Variants in RNF217 observed in about 807,000 individuals in gnomAD.
RNF217 encodes the protein E3 ubiquitin-protein ligase RNF217.
In RNF217, 31 loss-of-function variants were observed where a neutral mutation model predicts 57.8. That is an observed-to-expected ratio of 0.54 (90% confidence interval 0.40 to 0.72). The LOEUF is 0.72. RNF217 is among the 30% of genes least tolerant of loss of function. RNF217 has a pLI of 0.00. For synonymous variants in RNF217, 313 were observed against 294.0 expected, an observed-to-expected ratio of 1.06 and a Z score of -0.66; for missense variants, 696 against 708.3, an observed-to-expected ratio of 0.98 and a Z score of 0.20.
intron 1 of RNF217, among the ~76,000 whole-genome samples, chr6:125,012,816 A>C (rs1304856936): frequency 6.6e-6 from 1 of 152,038 alleles, no homozygotes; most frequent in Non-Finnish European, 1.5e-5. Context: ...TTCATCTTTG[A>C]ATTTCTTATT....
rs763340048 is a variant in RNF217 at position 125,089,485 on chromosome 6, T to G, written c.*6548T>G. On this transcript the variant is annotated 3_prime_UTR_variant, in exon 6 of 6. Transcript: ENST00000521654. ...TTATGGATTCATGCTCTGTGAACAT[T>G]GTTAGATTTTTAATAATCTAAAGTA... is the stretch of plus-strand genomic sequence containing the variant. The G allele has an allele frequency of 3.3e-5, 5 of 152,204 alleles. No individual in the cohort carries two copies. The highest frequency in any genetic ancestry group is 7.3e-5 in the Non-Finnish European group (5 of 68,028). 9.4% of individuals were successfully genotyped at this position (152,204 alleles called of 1,614,324 possible). A position where few individuals can be genotyped will look rare whatever the true frequency, so the allele number is the denominator to read the frequency against.
chr6:125,000,734 TC>T (rs1443128124), intron 1 of RNF217, among the ~76,000 whole-genome samples: 1 of 152,076 alleles, frequency 6.6e-6, no homozygotes, highest in Non-Finnish European at 1.5e-5. Flanking sequence ...AAGGAAGTTT[TC>T]CATATTCCTA....
At chr6:125,081,625 T>A in intron 5 of RNF217, 118 bp downstream of exon 5, 1 of 764,810 alleles carries the variant, frequency 1.3e-6, no homozygotes, top group Non-Finnish European at 2.1e-6. Flanking sequence ...GTTGTATGCC[T>A]GCTTTAGATA....
At chr6:125,041,848 C>T (rs1474523011) in intron 1 of RNF217, among the ~76,000 whole-genome samples, 1 of 152,002 alleles carries the variant, frequency 6.6e-6, no homozygotes, top group Non-Finnish European at 1.5e-5. Flanking sequence ...ATAAAAACCA[C>T]ATTTCACTGA....
At chr6:125,070,102 A>G (rs1582774453) in intron 3 of RNF217, among the ~76,000 whole-genome samples, 1 of 152,070 alleles carries the variant, frequency 6.6e-6, no homozygotes, top group East Asian at 1.9e-4. Context: ...AGACCATACA[A>G]CATTTGGTTT....
intron 1 of RNF217, chr6:125,009,054 G>T (rs977979402): frequency 1.1e-5 from 5 of 443,796 alleles, no homozygotes; most frequent in African/African-American, 1.0e-4. Flanking sequence ...TATATCACTG[G>T]TTCATAGAGA....
intron 1 of RNF217, among the ~76,000 whole-genome samples, chr6:124,986,880 T>G (rs979202255): frequency 2.6e-5 from 4 of 152,192 alleles, no homozygotes; most frequent in South Asian, 2.1e-4. Flanking sequence ...ATAGAATTAT[T>G]TCTTTTGAGA....
At chr6:125,005,647 C>A (rs1785152248) in intron 1 of RNF217, among the ~76,000 whole-genome samples, 1 of 152,162 alleles carries the variant, frequency 6.6e-6, no homozygotes. Context: ...CTTGAAGGAG[C>A]ACTTAATTTT....
chr6:125,036,111 G>A (rs2114493538), intron 1 of RNF217, among the ~76,000 whole-genome samples: 1 of 151,956 alleles, frequency 6.6e-6, no homozygotes, highest in Non-Finnish European at 1.5e-5. Flanking sequence ...GGTGTGTGAT[G>A]TTCCCCTCCC....
chr6:124,962,928 C>A lies in RNF217; in HGVS notation c.384C>A (p.Pro128=). The A allele has an allele frequency of 6.3e-7, 1 of 1,598,008 alleles. No individual in the cohort carries two copies. The highest frequency in any genetic ancestry group is 8.5e-7 in the Non-Finnish European group (1 of 1,179,630). ...KEGGDEQQEA[P]PGEELEPRTR... ...GAGGGGATGAACAGCAGGAGGCGCC[C>A]CCCGGCGAAGAGCTGGAGCCCAGGA... Residue 128 remains proline (P), a synonymous_variant, in exon 1 of 6, where the codon CCC becomes CCA. Coordinates refer to ENST00000521654, the MANE Select transcript of RNF217 (RefSeq NM_001286398.3). The surrounding 1 kb of genome is among the most constrained non-coding windows in gnomAD (Gnocchi z 4.6).
intron 1 of RNF217, among the ~76,000 whole-genome samples, chr6:125,005,708 G>A (rs187411570): frequency 1.4e-4 from 21 of 152,178 alleles, no homozygotes; most frequent in Non-Finnish European, 1.8e-4. Context: ...TATTACATTC[G>A]AAATATGATT....
At chr6:125,043,852 T>C (rs927151450) in intron 1 of RNF217, among the ~76,000 whole-genome samples, 21 of 152,106 alleles carry the variant, frequency 1.4e-4, no homozygotes, top group Non-Finnish European at 2.9e-4. Flanking sequence ...CATAAAATTA[T>C]GCAACAATTT....
chr6:125,037,706 A>C (rs1025660250), intron 1 of RNF217, among the ~76,000 whole-genome samples: 3 of 152,174 alleles, frequency 2.0e-5, no homozygotes, highest in African/African-American at 7.2e-5. Context: ...TAATCCACAC[A>C]AACTACCTGG....
intron 2 of RNF217, among the ~76,000 whole-genome samples, chr6:125,049,024 ACT>A (rs1454878021): frequency 6.6e-6 from 1 of 151,630 alleles, no homozygotes; most frequent in Non-Finnish European, 1.5e-5. Flanking sequence ...TCTCCCTAAA[ACT>A]CTTGTCATGA....
intron 1 of RNF217, among the ~76,000 whole-genome samples, chr6:125,028,410 T>C (rs1786204258): frequency 6.6e-6 from 1 of 152,062 alleles, no homozygotes; most frequent in Non-Finnish European, 1.5e-5. Flanking sequence ...CATTTTTTAT[T>C]AGGCTATTAT....
At chr6:125,057,265 C>A (rs1034214371) in intron 2 of RNF217, among the ~76,000 whole-genome samples, 2 of 152,150 alleles carry the variant, frequency 1.3e-5, no homozygotes, top group Non-Finnish European at 2.9e-5. Context: ...CAACCTCCGC[C>A]TCCTGGGTTC....
In RNF217 at chr6:125,058,015, A is replaced by G. The variant is rs1787586515; in HGVS notation, c.1190A>G (p.Lys397Arg). Residue 397 changes from lysine to arginine, a missense_variant, in exon 3 of 6, where the codon AAG becomes AGG. Transcript: ENST00000521654. ...CCTTGGCATGAAGGTGTTAACTGCA[A>G]GGAGTACAAAAAAGGAGACAAATTG... ...HSPWHEGVNC[K>R]EYKKGDKLLR... 1.2e-6 allele frequency: 2 copies of G among 1,613,616 alleles called. No individual in the cohort carries two copies. The highest frequency in any genetic ancestry group is 1.1e-5 in the South Asian group (1 of 91,014).
At chr6:125,009,761 C>T (rs2114347387) in intron 1 of RNF217, among the ~76,000 whole-genome samples, 1 of 152,240 alleles carries the variant, frequency 6.6e-6, no homozygotes, top group East Asian at 1.9e-4. Context: ...TGCATTCCAT[C>T]TCCGTGCACA....
intron 1 of RNF217, among the ~76,000 whole-genome samples, chr6:124,984,888 C>A (rs1784318608): frequency 6.6e-6 from 1 of 152,038 alleles, no homozygotes; most frequent in Non-Finnish European, 1.5e-5. Flanking sequence ...AAAGACAATT[C>A]ACATCTGGGA....
Sources: gnomAD v4.1 joint callset for allele counts (sites outside exome capture counted in the v4.1 genomes callset) on GRCh38, gnomAD v4.1.1 for gene constraint, Gnocchi (gnomAD v3.1) non-coding constraint, MANE v1.5 for transcripts, NCBI Gene and HGNC (gene_info 2026-07-23, HGNC 2026-07-21) for gene names.